DNAAF9: variants seen among roughly 807,000 people sequenced by gnomAD.
The protein encoded by DNAAF9 is shulin.
A neutral mutation model predicts 167.0 loss-of-function variants in DNAAF9; 90 were observed. The observed-to-expected ratio is 0.54, with a 90% confidence interval of 0.45 to 0.64. The LOEUF is 0.64. Among genes scored for constraint, DNAAF9 ranks in the 30% least tolerant of loss-of-function variants. DNAAF9 has a pLI of 0.00. For missense variants in DNAAF9, 1,315 were observed against 1,442.2 expected (o/e 0.91, Z 1.43); for synonymous variants, 491 against 508.8 (o/e 0.96, Z 0.47).
chr20:3,282,316 C>G (rs915441858), intron 27 of DNAAF9, among the ~76,000 whole-genome samples: 1 of 152,110 alleles, frequency 6.6e-6, no homozygotes, highest in Admixed American at 6.6e-5. Flanking sequence ...ATGCTAGGCT[C>G]AAATATATTT....
chr20:3,389,853 T>C (rs2083801282), intron 1 of DNAAF9, among the ~76,000 whole-genome samples: 2 of 152,032 alleles, frequency 1.3e-5, no homozygotes, highest in African/African-American at 4.8e-5. Flanking sequence ...CTGGCCAACG[T>C]GGCAAAACCC....
rs181831033 is a variant in DNAAF9, at chr20:3,328,454, A to G, written c.1101-2170T>C. Among the ~76,000 whole-genome samples the G allele has an allele frequency of 9.9e-5, 15 of 152,240 alleles. No individual in the cohort carries two copies. The East Asian group carries it at 2.9e-3, about 29-fold the overall frequency. On this transcript the variant is annotated intron_variant, in intron 12 of 36. Transcript: ENST00000252032. ...CTTGGCCTCCCAAAGTGCTGGGATTATAGGTTATAGGCATAAGCCACTGCA... is the reference window on the plus strand; with the variant it reads ...CTTGGCCTCCCAAAGTGCTGGGATTGTAGGTTATAGGCATAAGCCACTGCA...
chr20:3,279,090 G>T, intron 28 of DNAAF9, 141 bp from the exon 29 acceptor site: 1 of 668,006 alleles, frequency 1.5e-6, no homozygotes. Flanking sequence ...TGAGCACTAA[G>T]GATAGCCATG....
At chr20:3,314,915 T>C in intron 20 of DNAAF9, 118 bp downstream of exon 20, 1 of 677,288 alleles carries the variant, frequency 1.5e-6, no homozygotes, top group Admixed American at 2.5e-5. Flanking sequence ...TAGGAAAACA[T>C]TTCTGTACCA....
intron 6 of DNAAF9, among the ~76,000 whole-genome samples, chr20:3,371,586 G>A (rs898025533): frequency 7.3e-5 from 11 of 151,690 alleles, no homozygotes; most frequent in East Asian, 1.9e-4. Context: ...CTCGTGATCC[G>A]CCCGCCTCGG....
chr20:3,346,086 A>G (rs1417334028), intron 8 of DNAAF9, among the ~76,000 whole-genome samples: 1 of 152,256 alleles, frequency 6.6e-6, no homozygotes, highest in Non-Finnish European at 1.5e-5. Context: ...TTACTAATAC[A>G]GAAATGTAAA....
At chr20:3,268,969 T>C (rs2068540995) in intron 30 of DNAAF9, among the ~76,000 whole-genome samples, 1 of 143,786 alleles carries the variant, frequency 7.0e-6, no homozygotes, top group Non-Finnish European at 1.5e-5. Context: ...AGTGGTGCGG[T>C]CTTGGCTCAC....
At chr20:3,378,301 AACGATAC>A (rs2123234355) in intron 3 of DNAAF9, among the ~76,000 whole-genome samples, 1 of 152,316 alleles carries the variant, frequency 6.6e-6, no homozygotes, top group East Asian at 1.9e-4. Context: ...CTGCAGGCCC[AACGATAC>A]TGCTTGTCCC....
At chr20:3,382,543 G>T in intron 1 of DNAAF9, 37 bp from the exon 2 acceptor site, 1 of 1,542,040 alleles carries the variant, frequency 6.5e-7, no homozygotes, top group Non-Finnish European at 9.0e-7. Flanking sequence ...CTGAGTGCCA[G>T]GACAGCCCCA....
intron 6 of DNAAF9, among the ~76,000 whole-genome samples, chr20:3,362,626 T>C (rs992534546): frequency 3.9e-5 from 6 of 152,294 alleles, no homozygotes; most frequent in African/African-American, 1.2e-4. Flanking sequence ...CTGTGCATTG[T>C]AGGCCCTCAT....
At chr20:3,340,454 C>CCCCCA in intron 10 of DNAAF9, 50 bp downstream of exon 10, 3 of 1,053,076 alleles carry the variant, frequency 2.8e-6, no homozygotes, top group South Asian at 2.3e-5. Context: ...ACCCCACCCC[C>CCCCCA]ACAACTTGAT....
chr20:3,304,473 C>A lies in DNAAF9; in HGVS notation c.1749G>T (p.Lys583Asn), dbSNP rs369600108. ...HCRHRSIIISKDHMNSISFYD... is the reference protein window; with the variant it reads ...HCRHRSIIISNDHMNSISFYD... ...AGAAGGAAATGGAATTCATGTGATC[C>A]TTGGAAATGATGATACTTCTATGAC... is the stretch of plus-strand genomic sequence containing the variant. Residue 583 changes from lysine to asparagine, a missense_variant, in exon 21 of 37, where the codon AAG (lysine) becomes AAT (asparagine). Lys to Asn is a moderately conservative substitution (Grantham distance 94). This residue lies in a region of DNAAF9 where 981 missense variants were observed against 1,012.5 expected (regional missense o/e 0.97). Coordinates refer to ENST00000252032, the MANE Select transcript of DNAAF9 (RefSeq NM_001009984.3). The A allele has an allele frequency of 2.2e-5, 33 of 1,515,350 alleles. No individual in the cohort carries two copies. The highest frequency in any genetic ancestry group is 3.0e-5 in the Non-Finnish European group (33 of 1,090,214). 93.9% of individuals were successfully genotyped at this position (1,515,350 alleles called of 1,614,324 possible).
intron 7 of DNAAF9, among the ~76,000 whole-genome samples, chr20:3,359,187 G>T (rs182289342): frequency 6.6e-6 from 1 of 152,218 alleles, no homozygotes; most frequent in African/African-American, 2.4e-5. Flanking sequence ...ATCTTTTCAT[G>T]CCAGAGAAAG....
chr20:3,326,072 G>A (rs1241703246), intron 13 of DNAAF9, 125 bp downstream of exon 13: 1 of 667,614 alleles, frequency 1.5e-6, no homozygotes, highest in Non-Finnish European at 2.7e-6. Flanking sequence ...TCTCTGCCTG[G>A]TGTCAAAGAG....
chr20:3,264,339 A>G (rs1011211981), intron 31 of DNAAF9, 99 bp downstream of exon 31: 4 of 690,494 alleles, frequency 5.8e-6, no homozygotes, highest in Non-Finnish European at 2.6e-6. Flanking sequence ...TGCAAAGCAC[A>G]TCTGGTATTT....
At chr20:3,362,053 T>G (rs2083371348) in intron 6 of DNAAF9, 3 of 1,442,300 alleles carry the variant, frequency 2.1e-6, no homozygotes, top group Non-Finnish European at 2.9e-6. Context: ...TTAACTCCAT[T>G]CATATTAATT....
chr20:3,374,136 T>C lies in DNAAF9; in HGVS notation c.524A>G (p.Asp175Gly). 1 of 1,611,436 alleles carries C rather than the reference T, an allele frequency of 6.2e-7. No homozygotes were observed. Among genetic ancestry groups the C allele is most frequent in the Non-Finnish European group, 8.5e-7 (1 of 1,177,626 alleles). The change falls in exon 6 of 37, where the codon GAT (aspartate) becomes GGT (glycine). Residue 175 changes from aspartate to glycine, a missense_variant. Around this residue, in one of 2 missense-constraint regions of DNAAF9, gnomAD observed 981 missense variants for 1,012.5 expected, o/e 0.97. Coordinates refer to ENST00000252032, the MANE Select transcript of DNAAF9 (RefSeq NM_001009984.3). Reference protein sequence around the residue: ...YSSQGHLQIFDMFVVEKWPIV... With the variant: ...YSSQGHLQIFGMFVVEKWPIV... Reference sequence around the variant, plus strand: ...TGGCCATTTCTCCACCACAAACATATCAAATATCTGCAAGTGACCTAGAAG... The same window carrying C: ...TGGCCATTTCTCCACCACAAACATACCAAATATCTGCAAGTGACCTAGAAG...
At chr20:3,399,606 T>C (rs2083956825) in intron 1 of DNAAF9, among the ~76,000 whole-genome samples, 1 of 151,982 alleles carries the variant, frequency 6.6e-6, no homozygotes, top group Non-Finnish European at 1.5e-5. Flanking sequence ...TACACAGAAG[T>C]CATCAAGCAG....
In DNAAF9 at chr20:3,296,073, G is replaced by T. The variant is rs367807180; in HGVS notation, c.2018+788C>A. On this transcript the variant is annotated intron_variant, in intron 23 of 36. Coordinates refer to ENST00000252032, the MANE Select transcript of DNAAF9 (RefSeq NM_001009984.3). The stretch of plus-strand genomic sequence containing the variant: ...TAACCCTCATCTGGAGTTACTGTTA[G>T]CTGAGAACAGTGAAGCTTGTTTGGA... The T allele has an allele frequency of 5.8e-4, 435 of 749,224 alleles. No homozygotes were observed. In the African/African-American group the frequency reaches 7.0e-3, roughly 12 times the overall value. 46.4% of individuals were successfully genotyped at this position (749,224 alleles called of 1,614,324 possible).
Sources: allele counts gnomAD v4.1 joint callset (sites outside exome capture counted in the v4.1 genomes callset), GRCh38; gene constraint gnomAD v4.1.1; regional missense constraint gnomAD v4.1.1; transcripts MANE v1.5; gene names NCBI Gene and HGNC (gene_info 2026-07-23, HGNC 2026-07-21).